SPTAN1: variants seen among roughly 807,000 people sequenced by gnomAD.
SPTAN1 encodes spectrin alpha chain, non-erythrocytic 1.
SPTAN1 carries 61 observed loss-of-function variants against 331.3 expected under a neutral mutation model. That is an observed-to-expected ratio of 0.18 (90% CI 0.15 to 0.23). The LOEUF is 0.23. Ranked by LOEUF, SPTAN1 falls within the 10% of genes least tolerant of loss-of-function variation. SPTAN1 has a pLI of 1.00. For missense variants in SPTAN1, 2,043 were observed against 3,147.9 expected, an observed-to-expected ratio of 0.65 and a Z score of 8.40; for synonymous variants, 1,153 against 1,173.9, an observed-to-expected ratio of 0.98 and a Z score of 0.36.
intron 1 of SPTAN1, among the ~76,000 whole-genome samples, chr9:128,557,649 T>G (rs2132688210): frequency 6.6e-6 from 1 of 152,104 alleles, no homozygotes; most frequent in South Asian, 2.1e-4. Context: ...CTCAAACAGC[T>G]GTCTCTTGGC....
intron 46 of SPTAN1, chr9:128,624,713 G>C (rs1384726526): frequency 3.3e-6 from 2 of 597,752 alleles, no homozygotes; most frequent in East Asian, 5.8e-5. Flanking sequence ...ACAAAAGCCT[G>C]TAAACGCTGC....
At chr9:128,584,621 A>G (rs1371859923) in intron 17 of SPTAN1, 96 bp downstream of exon 17, 1 of 1,613,926 alleles carries the variant, frequency 6.2e-7, no homozygotes, top group Non-Finnish European at 8.5e-7. Context: ...GGTCGAATTT[A>G]AATTATTGAA....
At chr9:128,620,372 C>T (rs1857688522) in intron 44 of SPTAN1, among the ~76,000 whole-genome samples, 1 of 152,092 alleles carries the variant, frequency 6.6e-6, no homozygotes, top group African/African-American at 2.4e-5. Flanking sequence ...TAGTTGAGTT[C>T]CCTGGAAGCA....
chr9:128,609,584 T>A, intron 36 of SPTAN1, 67 bp from the exon 37 acceptor site: 8 of 1,338,848 alleles, frequency 6.0e-6, no homozygotes, highest in Non-Finnish European at 6.1e-6. Context: ...TGAGTTTCTA[T>A]TTAATAGCTG....
intron 26 of SPTAN1, 48 bp from the exon 27 acceptor site, chr9:128,600,032 T>TTTCA (rs1854888510): frequency 3.7e-6 from 6 of 1,609,654 alleles, no homozygotes; most frequent in Non-Finnish European, 4.3e-6. Context: ...AGGTGCTTTG[T>TTTCA]TTCATGGTCA....
Position 128,577,548 on chromosome 9 carries a change from T to G in SPTAN1, c.1085+42T>G. ...AGGTCTTAACCAGTATCATTTGGCT[T>G]CTTTTTTGGAAGCAGGAATAGCAGA... On this transcript the variant is annotated intron_variant, in intron 8 of 56. Coordinates refer to ENST00000372739, the MANE Select transcript of SPTAN1 (RefSeq NM_001130438.3). The surrounding 1 kb of genome is among the most constrained non-coding windows in gnomAD (Gnocchi z 4.2). 1 of 1,611,808 alleles carries G rather than the reference T, an allele frequency of 6.2e-7. No homozygotes were observed.
chr9:128,581,141 T>C, intron 11 of SPTAN1, 82 bp downstream of exon 11: 1 of 1,585,162 alleles, frequency 6.3e-7, no homozygotes, highest in South Asian at 1.1e-5. Context: ...CTTGTTTTGT[T>C]TTAGGACATC....
At position 128,564,247 on chromosome 9, in the gene SPTAN1, C is replaced by T. The variant is rs143741474; in HGVS notation, c.-3-2491C>T. Among the ~76,000 whole-genome samples the T allele has an allele frequency of 2.7e-3, 410 of 152,082 alleles. 2 individuals carry two copies. Among genetic ancestry groups the T allele is most frequent in the African/African-American group, 9.0e-3 (372 of 41,490 alleles). ...CAGCCTGGCCAACATGGTGAAACCC[C>T]GTCTCTACTAAAAATACAAAAATTA... On this transcript the variant is annotated intron_variant, in intron 1 of 56. Coordinates refer to ENST00000372739, the MANE Select transcript of SPTAN1 (RefSeq NM_001130438.3).
At chr9:128,566,602 A>G in intron 1 of SPTAN1, 136 bp from the exon 2 acceptor site, 1 of 1,331,766 alleles carries the variant, frequency 7.5e-7, no homozygotes, top group East Asian at 2.4e-5. Flanking sequence ...CATTGTTCCT[A>G]AGAAGGGGCT....
intron 24 of SPTAN1, among the ~76,000 whole-genome samples, chr9:128,598,042 G>A (rs866405976): frequency 1.3e-5 from 2 of 149,168 alleles, no homozygotes; most frequent in Non-Finnish European, 1.5e-5. Flanking sequence ...TCTGCCTACC[G>A]GGTTCAAGCG....
At chr9:128,624,634 A>C (rs1858456060) in intron 46 of SPTAN1, 147 bp downstream of exon 46, 1 of 1,011,916 alleles carries the variant, frequency 9.9e-7, no homozygotes, top group Non-Finnish European at 1.5e-6. Flanking sequence ...ACTGACTGCC[A>C]GCTAGGAGGA....
intron 15 of SPTAN1, 24 bp downstream of exon 15, chr9:128,583,305 T>C: frequency 6.2e-7 from 1 of 1,610,294 alleles, no homozygotes; most frequent in Non-Finnish European, 8.5e-7. Context: ...CATTGAATTG[T>C]GACATGCATG....
intron 31 of SPTAN1, among the ~76,000 whole-genome samples, chr9:128,606,423 C>CAT (rs1361074695): frequency 7.2e-6 from 1 of 139,812 alleles, no homozygotes; most frequent in Non-Finnish European, 1.5e-5. Flanking sequence ...CAAGTATGGG[C>CAT]ATACTCCCTC....
chr9:128,573,169 A>G (rs1055994574), intron 3 of SPTAN1, among the ~76,000 whole-genome samples: 1 of 152,246 alleles, frequency 6.6e-6, no homozygotes, highest in South Asian at 2.1e-4. Flanking sequence ...TTGGGTAGGC[A>G]TAATCAAGGC....
Position 128,577,328 on chromosome 9 carries a change from A to C in SPTAN1, c.931-24A>C. On this transcript the variant is annotated intron_variant, in intron 7 of 56. Coordinates refer to ENST00000372739, the MANE Select transcript of SPTAN1 (RefSeq NM_001130438.3). This position sits in a 1 kb window ranked among gnomAD's most constrained non-coding sequence, Gnocchi z 4.2. ...ATAAGTTACCAAGGGTCAGGAGAAT[A>C]GTTCTGACGGAGTTCATTTCTAGGT... 1 of 1,614,224 alleles carries C rather than the reference A, an allele frequency of 6.2e-7. No individual in the cohort carries two copies.
intron 29 of SPTAN1, 142 bp from the exon 30 acceptor site, chr9:128,604,892 A>G (rs1354624205): frequency 1.1e-6 from 1 of 889,098 alleles, no homozygotes. Flanking sequence ...GAGATTGTGC[A>G]TTGTGCTCCA....
At chr9:128,611,581 T>C in intron 37 of SPTAN1, 133 bp from the exon 38 acceptor site, 1 of 998,580 alleles carries the variant, frequency 1.0e-6, no homozygotes, top group South Asian at 1.4e-5. Context: ...CCAATTGCCT[T>C]CTGTTAAAAA....
chr9:128,623,231 C>CT (rs1033113370), intron 45 of SPTAN1, among the ~76,000 whole-genome samples: 6 of 149,968 alleles, frequency 4.0e-5, no homozygotes, highest in African/African-American at 1.5e-4. Context: ...TAATTTCTTT[C>CT]TTTTTTTCTT....
chr9:128,619,134 C>T (rs906577859), intron 44 of SPTAN1, 131 bp downstream of exon 44: 1 of 1,372,746 alleles, frequency 7.3e-7, no homozygotes, highest in Non-Finnish European at 1.0e-6. Context: ...GCCAAGGCCT[C>T]AGTAGTTGGT....
Sources: gnomAD v4.1 joint callset for allele counts (sites outside exome capture counted in the v4.1 genomes callset) on GRCh38, gnomAD v4.1.1 for gene constraint, Gnocchi (gnomAD v3.1) non-coding constraint, MANE v1.5 for transcripts, NCBI Gene and HGNC (gene_info 2026-07-23, HGNC 2026-07-21) for gene names.